DBN1: variants seen among roughly 807,000 people sequenced by gnomAD.
DBN1 encodes drebrin 1.
Under a neutral mutation model 83.5 loss-of-function variants are expected in DBN1, and 21 were observed. The observed-to-expected ratio is 0.25, with a 90% CI of 0.18 to 0.36. The LOEUF (loss-of-function observed/expected upper bound fraction) is 0.36. DBN1 is among the 10% of genes least tolerant of loss of function. The pLI, the probability that DBN1 is intolerant of heterozygous loss-of-function variation, is 1.00. For synonymous variants in DBN1, 381 were observed against 384.9 expected, an observed-to-expected ratio of 0.99 and a Z score of 0.12; for missense variants, 874 against 935.7, an observed-to-expected ratio of 0.93 and a Z score of 0.86.
Position 177,473,579 on chromosome 5 carries a change from A to T in DBN1, c.-58T>A. ...GCGCGGACGGACGGGCGGACGGAGG[A>T]GGAGGGAGGGAAAGAGGGAGTCGCC... On this transcript the variant is annotated 5_prime_UTR_variant, in exon 1 of 15. Coordinates refer to ENST00000393565, the MANE Select transcript of DBN1 (RefSeq NM_001363541.2). 9.8e-7 allele frequency: 1 copy of T among 1,025,640 alleles called. No homozygotes were observed. The highest frequency in any genetic ancestry group is 1.2e-6 in the Non-Finnish European group (1 of 826,674). The allele number at this position is 1,025,640 out of a possible 1,614,324, so 63.5% of individuals were successfully genotyped here. A position where few individuals can be genotyped will look rare whatever the true frequency, so the allele number is the denominator to read the frequency against.
intron 8 of DBN1, among the ~76,000 whole-genome samples, chr5:177,463,785 A>C (rs1757212946): frequency 1.3e-5 from 2 of 152,350 alleles, no homozygotes; most frequent in South Asian, 4.1e-4. Context: ...CAGGGGGTTC[A>C]CAACACTATT....
At chr5:177,468,482 T>G (rs1481892771) in intron 2 of DBN1, 15 of 547,210 alleles carry the variant, frequency 2.7e-5, no homozygotes, top group Non-Finnish European at 4.2e-5. Flanking sequence ...TCAGGTCTCA[T>G]TCTTCACACA....
At position 177,468,014 on chromosome 5, in the gene DBN1, TGGGCCCTC is replaced by T. The variant is rs1301223981; in HGVS notation, c.255+86_255+93del. ...CGCATACCCAGTTGATGAGCAGCTC[TGGGCCCTC>T]AGCCCCCTTCCCCAGCCCCGGCCGC... On this transcript the variant is annotated intron_variant, in intron 3 of 14. Transcript: ENST00000393565. The T allele has an allele frequency of 6.9e-4, 535 of 772,816 alleles. 6 individuals carry two copies. In the African/African-American group the frequency reaches 7.2e-3, roughly 10 times the overall value. The allele number at this position is 772,816 out of a possible 1,614,324, so 47.9% of individuals were successfully genotyped here. A position where few individuals can be genotyped will look rare whatever the true frequency, so the allele number is the denominator to read the frequency against.
chr5:177,472,627 C>G (rs543139520), intron 1 of DBN1: 143 of 420,380 alleles, frequency 3.4e-4, no homozygotes, highest in African/African-American at 2.8e-3. Context: ...TCTGTTCACC[C>G]CTTCAGCCGT....
rs372070843 is a variant in DBN1, at chr5:177,459,700, C to G, written c.996G>C (p.Gly332=). ...YCPFIKASDS[G]PSSSSSSSSS... is the part of the protein sequence containing the mutation. ...AGGAGGAAGAGGAGGAGGAGGAAGGCCCACTGTCCGATGCCTTTATGAAAG... is the reference window on the plus strand; with the variant it reads ...AGGAGGAAGAGGAGGAGGAGGAAGGGCCACTGTCCGATGCCTTTATGAAAG... The change falls in exon 11 of 15, where the codon GGG becomes GGC. Residue 332 remains glycine (G), a synonymous_variant. Transcript: ENST00000393565. 1.3e-6 allele frequency: 2 copies of G among 1,586,216 alleles called. No homozygotes were observed. Among genetic ancestry groups the G allele is most frequent in the Non-Finnish European group, 1.7e-6 (2 of 1,166,904 alleles).
intron 1 of DBN1, among the ~76,000 whole-genome samples, chr5:177,469,513 A>T (rs1757697935): frequency 6.6e-6 from 1 of 152,168 alleles, no homozygotes; most frequent in African/African-American, 2.4e-5. Flanking sequence ...AGGTCACTGC[A>T]GTCACTCTCG....
At chr5:177,464,960 C>T (rs567183544) in intron 8 of DBN1, among the ~76,000 whole-genome samples, 5 of 152,074 alleles carry the variant, frequency 3.3e-5, no homozygotes, top group South Asian at 4.1e-4. Flanking sequence ...CGAGACCACC[C>T]TGGCTAACAT....
intron 2 of DBN1, chr5:177,468,496 T>C (rs1757625756): frequency 3.8e-6 from 2 of 520,016 alleles, no homozygotes; most frequent in Non-Finnish European, 6.8e-6. Flanking sequence ...TCACACATCA[T>C]CATGTCTCAC....
chr5:177,464,588 T>C (rs1757280289), intron 8 of DBN1, among the ~76,000 whole-genome samples: 4 of 149,740 alleles, frequency 2.7e-5, no homozygotes, highest in East Asian at 4.0e-4. Flanking sequence ...TGAAACCCCA[T>C]CTCTACTAAA....
At chr5:177,469,379 C>T (rs556111308) in intron 1 of DBN1, among the ~76,000 whole-genome samples, 8 of 152,244 alleles carry the variant, frequency 5.3e-5, no homozygotes, top group Non-Finnish European at 1.2e-4. Context: ...GGGCATCCCC[C>T]AGTAACCATG....
chr5:177,465,720 T>C (rs1228245235), intron 8 of DBN1, among the ~76,000 whole-genome samples: 1 of 152,044 alleles, frequency 6.6e-6, no homozygotes, highest in Non-Finnish European at 1.5e-5. Flanking sequence ...CTAGGCATGA[T>C]GGTGTGCGCC....
chr5:177,465,507 T>C (rs1335194690), intron 8 of DBN1, among the ~76,000 whole-genome samples: 2 of 152,242 alleles, frequency 1.3e-5, no homozygotes, highest in Non-Finnish European at 2.9e-5. Flanking sequence ...TGCCGCTTAA[T>C]GAAATGCAGA....
intron 8 of DBN1, among the ~76,000 whole-genome samples, chr5:177,461,094 CTTTTTTTTTTT>C (rs1212164434): frequency 2.2e-5 from 2 of 90,692 alleles, no homozygotes; most frequent in African/African-American, 8.9e-5. Flanking sequence ...TTCTGGCCTT[CTTTTTTTTTTT>C]TTTTTTTTTT....
chr5:177,464,977 A>G (rs1757336994), intron 8 of DBN1, among the ~76,000 whole-genome samples: 1 of 152,084 alleles, frequency 6.6e-6, no homozygotes, highest in Non-Finnish European at 1.5e-5. Context: ...ACATGGTGAA[A>G]CCCCGTCTCT....
intron 8 of DBN1, among the ~76,000 whole-genome samples, chr5:177,465,734 AAT>A (rs1757400020): frequency 1.3e-5 from 2 of 151,990 alleles, no homozygotes; most frequent in Admixed American, 6.6e-5. Flanking sequence ...GTGCGCCTGT[AAT>A]CCCAGCTACT....
chr5:177,462,486 ATGACACC>A, intron 8 of DBN1: 1 of 779,684 alleles, frequency 1.3e-6, no homozygotes, highest in African/African-American at 1.9e-5. Flanking sequence ...TTCCACCACG[ATGACACC>A]ACATCCTAAG....
At position 177,466,278 on chromosome 5, in the gene DBN1, C is replaced by T. The variant is rs1215797741; in HGVS notation, c.771+494G>A. Among the ~76,000 whole-genome samples, 3 of 152,200 alleles carry T rather than the reference C, an allele frequency of 2.0e-5. No homozygotes were observed. The highest frequency in any genetic ancestry group is 4.4e-5 in the Non-Finnish European group (3 of 68,028). On this transcript the variant is annotated intron_variant, in intron 8 of 14. Coordinates refer to ENST00000393565, the MANE Select transcript of DBN1 (RefSeq NM_001363541.2). The surrounding 1 kb of genome is among the most constrained non-coding windows in gnomAD (Gnocchi z 4.8). Reference sequence around the variant, plus strand: ...CTGCTGTGATTCTCAGGGACCAATCCACAGGACCTACGGGCCATTCCCAAT... The same window carrying T: ...CTGCTGTGATTCTCAGGGACCAATCTACAGGACCTACGGGCCATTCCCAAT...
intron 2 of DBN1, 101 bp downstream of exon 2, chr5:177,468,743 G>T: frequency 2.9e-6 from 2 of 695,142 alleles, no homozygotes; most frequent in South Asian, 5.0e-5. Context: ...TGGGGCTGCA[G>T]GGTGCAGGCA....
chr5:177,464,922 AGGTG>A (rs1757326127), intron 8 of DBN1, among the ~76,000 whole-genome samples: 1 of 151,936 alleles, frequency 6.6e-6, no homozygotes, highest in Non-Finnish European at 1.5e-5. Context: ...TGGGTGGCTG[AGGTG>A]GGCAGATCAT....
Sources: allele counts gnomAD v4.1 joint callset (sites outside exome capture counted in the v4.1 genomes callset), GRCh38; gene constraint gnomAD v4.1.1; non-coding constraint Gnocchi (gnomAD v3.1); transcripts MANE v1.5; gene names NCBI Gene and HGNC (gene_info 2026-07-23, HGNC 2026-07-21).